The following NAALADL2 variants were observed in gnomAD, a reference collection of about 807,000 sequenced individuals.
NAALADL2 encodes inactive N-acetylated-alpha-linked acidic dipeptidase-like protein 2.
A neutral mutation model predicts 87.2 loss-of-function variants in NAALADL2; 76 were observed. That is an observed-to-expected ratio of 0.87 (90% CI 0.72 to 1.05). The LOEUF is 1.05. Ranked by LOEUF, NAALADL2 falls within the 50% of genes least tolerant of loss-of-function variation. The pLI is 0.00. For synonymous variants in NAALADL2, 354 were observed against 331.0 expected (o/e 1.07, Z -0.75); for missense variants, 1,089 against 945.8 (o/e 1.15, Z -1.99).
intron 12 of NAALADL2, among the ~76,000 whole-genome samples, chr3:175,737,744 T>TTTA (rs1553962783): frequency 2.2e-5 from 3 of 137,568 alleles, no homozygotes; most frequent in African/African-American, 5.4e-5. Context: ...TTTTTTTTTT[T>TTTA]AACATTCTAA....
intron 2 of NAALADL2, among the ~76,000 whole-genome samples, chr3:175,119,678 TAGTA>T (rs1244281189): frequency 6.7e-6 from 1 of 148,546 alleles, no homozygotes; most frequent in Non-Finnish European, 1.5e-5. Context: ...AGGAGTCACT[TAGTA>T]AGGTGTGTAT....
chr3:175,045,898 ATT>A (rs1754607669), intron 1 of NAALADL2, among the ~76,000 whole-genome samples: 1 of 152,178 alleles, frequency 6.6e-6, no homozygotes, highest in Admixed American at 6.6e-5. Context: ...CTATTCGAGT[ATT>A]CTTGGAAAGA....
chr3:175,702,925 AAGGAG>A (rs1739183867), intron 11 of NAALADL2, among the ~76,000 whole-genome samples: 1 of 152,172 alleles, frequency 6.6e-6, no homozygotes. Context: ...AGAAAAAAAA[AAGGAG>A]AGTAGAGTGA....
intron 1 of NAALADL2, among the ~76,000 whole-genome samples, chr3:174,940,154 T>C (rs1340370601): frequency 6.6e-6 from 1 of 152,194 alleles, no homozygotes; most frequent in East Asian, 1.9e-4. Flanking sequence ...GCATTTGTCA[T>C]AGATGGCTCC....
At chr3:175,329,999 A>G (rs1266774651) in intron 5 of NAALADL2, among the ~76,000 whole-genome samples, 1 of 152,280 alleles carries the variant, frequency 6.6e-6, no homozygotes, top group Non-Finnish European at 1.5e-5. Flanking sequence ...TCAGTGTACC[A>G]TATACTACAT....
At chr3:174,816,125 C>T (rs573759496) in intron 3 of NAALADL2, among the ~76,000 whole-genome samples, 2 of 152,004 alleles carry the variant, frequency 1.3e-5, no homozygotes, top group African/African-American at 2.4e-5. Context: ...ATTATATATT[C>T]CTTTAAATTG....
At chr3:175,760,857 C>T (rs897089574) in intron 13 of NAALADL2, among the ~76,000 whole-genome samples, 19 of 152,138 alleles carry the variant, frequency 1.2e-4, no homozygotes, top group African/African-American at 4.6e-4. Context: ...ATTTGATTTT[C>T]TTAAACAAAT....
rs143109206 is a variant in NAALADL2 at position 175,083,330 on chromosome 3, A to T, written c.44-13460A>T. 4.0e-3 allele frequency among the ~76,000 whole-genome samples: 614 copies of T among 152,296 alleles called. 3 individuals are homozygous for T. The highest frequency in any genetic ancestry group is 0.014 in the African/African-American group (594 of 41,556). On this transcript the variant is annotated intron_variant, in intron 1 of 13. Transcript: ENST00000454872. ...ACTCATGATGCATATTTATCTCCCA[A>T]CATCTGCAGTGTTCAGAATTTGGGG...
chr3:175,159,802 A>ATCCT (rs1375892555), intron 2 of NAALADL2, among the ~76,000 whole-genome samples: 43 of 137,424 alleles, frequency 3.1e-4, no homozygotes, highest in African/African-American at 7.7e-4. Flanking sequence ...CCTCCCTCCC[A>ATCCT]TCCTTCCTTC....
In NAALADL2 at chr3:174,694,921, C is replaced by T. The variant is rs9858735; in HGVS notation, c.-114-42720C>T. 9.2e-3 allele frequency among the ~76,000 whole-genome samples: 1,391 copies of T among 151,948 alleles called. 20 individuals carry two copies. The highest frequency in any genetic ancestry group is 0.032 in the African/African-American group (1,319 of 41,410). On this transcript the variant is annotated intron_variant, in intron 2 of 3. Coordinates refer to the NAALADL2 transcript ENST00000434257. Reference sequence around the variant, plus strand: ...AGCCCTCTCCCAAATCTTGAGGCACCTCTATAAAATTCCAAGGGCTCTAAA... The same window carrying T: ...AGCCCTCTCCCAAATCTTGAGGCACTTCTATAAAATTCCAAGGGCTCTAAA...
chr3:175,526,996 T>C (rs1258795984), intron 9 of NAALADL2, among the ~76,000 whole-genome samples: 1 of 152,212 alleles, frequency 6.6e-6, no homozygotes, highest in Non-Finnish European at 1.5e-5. Context: ...GTCACTTTCC[T>C]TGTACTGTTT....
At position 174,840,761 on chromosome 3, in the gene NAALADL2, C is replaced by A. The variant is rs371152650; in HGVS notation, c.-9+103015C>A. On this transcript the variant is annotated intron_variant, in intron 3 of 3. Transcript: ENST00000434257. ...CATTTGTTCTCTCTCTTTATTTTCT[C>A]ATTTTGTAAATCTGGCCACCGTAGG... is the stretch of plus-strand genomic sequence containing the variant. 2.0e-5 allele frequency among the ~76,000 whole-genome samples: 3 copies of A among 152,200 alleles called. No homozygotes were observed. In the East Asian group the frequency reaches 5.8e-4, roughly 29 times the overall value.
chr3:174,534,772 G>T (rs1486125072), intron 1 of NAALADL2, among the ~76,000 whole-genome samples: 1 of 152,048 alleles, frequency 6.6e-6, no homozygotes, highest in Admixed American at 6.6e-5. Context: ...CTCCAGAGTT[G>T]CTTGGAAAGA....
intron 11 of NAALADL2, among the ~76,000 whole-genome samples, chr3:175,680,490 A>G (rs1735441086): frequency 6.6e-6 from 1 of 152,180 alleles, no homozygotes; most frequent in African/African-American, 2.4e-5. Flanking sequence ...AAGGAGAACA[A>G]ATTGTTTATT....
At chr3:174,552,795 CAAAAAAAAAA>C (rs1164243901) in intron 2 of NAALADL2, among the ~76,000 whole-genome samples, 12,952 of 56,140 alleles carry the variant, frequency 0.23, 728 homozygotes, top group African/African-American at 0.3. Context: ...GACCCTGCCT[CAAAAAAAAAA>C]AAAAAAAAAA....
At chr3:175,639,598 A>G (rs187983204) in intron 11 of NAALADL2, among the ~76,000 whole-genome samples, 17 of 152,006 alleles carry the variant, frequency 1.1e-4, no homozygotes, top group Admixed American at 2.6e-4. Context: ...GGGATTACAG[A>G]CGTGAGTGTT....
At chr3:175,193,417 A>G (rs1192718300) in intron 2 of NAALADL2, among the ~76,000 whole-genome samples, 1 of 151,930 alleles carries the variant, frequency 6.6e-6, no homozygotes, top group Non-Finnish European at 1.5e-5. Context: ...AGGAAGAAGA[A>G]AAAAGCAGCC....
chr3:174,962,962 A>G (rs1742331989), intron 1 of NAALADL2, among the ~76,000 whole-genome samples: 2 of 152,162 alleles, frequency 1.3e-5, no homozygotes, highest in Admixed American at 1.3e-4. Flanking sequence ...ATTACCTAAT[A>G]CAGTGTAAAT....
At chr3:175,687,978 C>T (rs1383454966) in intron 11 of NAALADL2, among the ~76,000 whole-genome samples, 1 of 152,004 alleles carries the variant, frequency 6.6e-6, no homozygotes, top group East Asian at 1.9e-4. Flanking sequence ...GCCAATTAAA[C>T]CTCTTTTCTT....
Sources: gnomAD v4.1 joint callset for allele counts (sites outside exome capture counted in the v4.1 genomes callset) on GRCh38, gnomAD v4.1.1 for gene constraint, MANE v1.5 for transcripts, NCBI Gene and HGNC (gene_info 2026-07-23, HGNC 2026-07-21) for gene names.